The following BCAS3 variants were observed in gnomAD, a reference collection of about 807,000 sequenced individuals.
BCAS3 encodes the protein BCAS4/BCAS3 fusion.
Under a neutral mutation model 116.1 loss-of-function variants are expected in BCAS3, and 53 were observed. The observed-to-expected ratio is 0.46, with a 90% CI of 0.37 to 0.57. The LOEUF (loss-of-function observed/expected upper bound fraction) is 0.57, where lower values mean the gene tolerates loss of function less well. Ranked by LOEUF, BCAS3 falls within the 20% of genes least tolerant of loss-of-function variation. The pLI, the probability that BCAS3 is intolerant of heterozygous loss-of-function variation, is 0.00. For missense variants in BCAS3, 917 were observed against 1,165.4 expected, an observed-to-expected ratio of 0.79 and a Z score of 3.10; for synonymous variants, 391 against 408.2, an observed-to-expected ratio of 0.96 and a Z score of 0.51.
intron 22 of BCAS3, among the ~76,000 whole-genome samples, chr17:61,267,032 T>C (rs2049783063): frequency 6.6e-6 from 1 of 152,150 alleles, no homozygotes; most frequent in Admixed American, 6.5e-5. Context: ...TCTACCAGGA[T>C]AGGAAAGTTA....
intron 7 of BCAS3, among the ~76,000 whole-genome samples, chr17:60,822,541 AC>A (rs886791330): frequency 2.0e-5 from 3 of 152,258 alleles, no homozygotes; most frequent in Non-Finnish European, 4.4e-5. Flanking sequence ...CAGTTTTTGC[AC>A]AAAACACAGT....
In BCAS3 at chr17:61,323,484, CTG is replaced by C. The variant is rs2055482011; in HGVS notation, c.2426-44840_2426-44839del. Among the ~76,000 whole-genome samples the C allele has an allele frequency of 6.6e-6, 1 of 152,196 alleles. No individual in the cohort carries two copies. Among genetic ancestry groups the C allele is most frequent in the Non-Finnish European group, 1.5e-5 (1 of 68,038 alleles). ...CGGACTTAGGATTTGGTTTTCTACTCTGTGAACTGAAGCTAATTTCTCCTACC... is the reference window on the plus strand; with the variant it reads ...CGGACTTAGGATTTGGTTTTCTACTCTGAACTGAAGCTAATTTCTCCTACC... On this transcript the variant is annotated intron_variant, in intron 22 of 23. Transcript: ENST00000407086. The surrounding 1 kb of genome is among the most constrained non-coding windows in gnomAD (Gnocchi z 4.6).
chr17:61,234,273 C>T (rs1012124682), intron 22 of BCAS3, among the ~76,000 whole-genome samples: 3 of 152,130 alleles, frequency 2.0e-5, no homozygotes, highest in Non-Finnish European at 4.4e-5. Context: ...TTCTTCCTTC[C>T]TCTCCTTCCT....
chr17:60,905,117 A>T (rs1173081887), intron 11 of BCAS3, among the ~76,000 whole-genome samples: 3 of 152,218 alleles, frequency 2.0e-5, no homozygotes, highest in Non-Finnish European at 4.4e-5. Context: ...ATAGGATACC[A>T]TATATATTGT....
intron 14 of BCAS3, among the ~76,000 whole-genome samples, chr17:60,968,086 T>C (rs1345563925): frequency 6.6e-6 from 1 of 152,194 alleles, no homozygotes; most frequent in Non-Finnish European, 1.5e-5. Context: ...CTTTGTCCAT[T>C]GGAGAGGTCA....
At chr17:60,731,754 C>T (rs1203176058) in intron 5 of BCAS3, among the ~76,000 whole-genome samples, 1 of 150,508 alleles carries the variant, frequency 6.6e-6, no homozygotes, top group Non-Finnish European at 1.5e-5. Flanking sequence ...ACAGAGACCT[C>T]TCATGTATCC....
chr17:61,013,076 C>T lies in BCAS3; in HGVS notation c.1487-2675C>T, dbSNP rs2065218729. ...TGCCCAGAATATTCCTTCTCTCCTA[C>T]CCTTATCCATATTTTGTCCAATTTT... On this transcript the variant is annotated intron_variant, in intron 15 of 23. Transcript: ENST00000407086. This position sits in a 1 kb window ranked among gnomAD's most constrained non-coding sequence, Gnocchi z 4.4. 6.6e-6 allele frequency among the ~76,000 whole-genome samples: 1 copy of T among 152,054 alleles called. No homozygotes were observed. The highest frequency in any genetic ancestry group is 2.4e-5 in the African/African-American group (1 of 41,438).
At chr17:60,714,832 T>C (rs2038372192) in intron 5 of BCAS3, among the ~76,000 whole-genome samples, 2 of 152,198 alleles carry the variant, frequency 1.3e-5, no homozygotes, top group Non-Finnish European at 2.9e-5. Flanking sequence ...TACTGCCCAA[T>C]CTCTACTGCT....
At chr17:60,854,431 G>A (rs919221965) in intron 7 of BCAS3, among the ~76,000 whole-genome samples, 5 of 152,108 alleles carry the variant, frequency 3.3e-5, no homozygotes, top group Admixed American at 2.0e-4. Flanking sequence ...GGATGGCTGG[G>A]TCAAATGGTA....
chr17:60,747,251 G>A lies in BCAS3; in HGVS notation c.375G>A (p.Ala125=), dbSNP rs1320171506. 11 of 1,613,046 alleles carry A rather than the reference G, an allele frequency of 6.8e-6. No homozygotes were observed. The highest frequency in any genetic ancestry group is 6.6e-5 in the South Asian group (6 of 91,016). The part of the protein sequence containing the change: ...LFSVRHGPIR[A]ARILPAPQFG... ...CTGTTCGACATGGCCCAATTCGAGC[G>A]GCTAGAATCTTGCCTGCTCCACAGT... Residue 125 remains alanine, a synonymous_variant, in exon 6 of 24, where the codon GCG becomes GCA. Coordinates refer to ENST00000407086, the MANE Select transcript of BCAS3 (RefSeq NM_017679.5).
At chr17:60,824,605 G>GTCACC (rs1267626840) in intron 7 of BCAS3, among the ~76,000 whole-genome samples, 1 of 152,112 alleles carries the variant, frequency 6.6e-6, no homozygotes, top group Admixed American at 6.5e-5. Context: ...TCTGTGTTCT[G>GTCACC]TCACCAATAG....
At chr17:61,179,675 T>C (rs574537433) in intron 22 of BCAS3, among the ~76,000 whole-genome samples, 1 of 152,296 alleles carries the variant, frequency 6.6e-6, no homozygotes, top group African/African-American at 2.4e-5. Flanking sequence ...AGGGGCTTTA[T>C]GGTGGTATTA....
Position 61,327,454 on chromosome 17 carries a change from G to A in BCAS3, c.2426-40873G>A, listed in dbSNP as rs1485270976. On this transcript the variant is annotated intron_variant, in intron 22 of 23. Transcript: ENST00000407086. This position sits in a 1 kb window ranked among gnomAD's most constrained non-coding sequence, Gnocchi z 5.9. Reference sequence around the variant, plus strand: ...AGAATTGTAATGAGACTATATTGAGGGTTAGATAACAGGCAAGTATGTGGA... The same window carrying A: ...AGAATTGTAATGAGACTATATTGAGAGTTAGATAACAGGCAAGTATGTGGA... 6.6e-6 allele frequency among the ~76,000 whole-genome samples: 1 copy of A among 152,026 alleles called. No homozygotes were observed. Among genetic ancestry groups the A allele is most frequent in the Non-Finnish European group, 1.5e-5 (1 of 68,008 alleles).
chr17:61,239,668 G>A lies in BCAS3; in HGVS notation c.2426-128659G>A, dbSNP rs2083314410. On this transcript the variant is annotated intron_variant, in intron 22 of 23. Transcript: ENST00000407086. This position sits in a 1 kb window ranked among gnomAD's most constrained non-coding sequence, Gnocchi z 4.2. ...TGTTAAGATCTAGATCATGCTAAAA[G>A]TATTAAAGTTGGCTTTCAGAGATTA... Among the ~76,000 whole-genome samples, 1 of 152,174 alleles carries A rather than the reference G, an allele frequency of 6.6e-6. No homozygotes were observed. Among genetic ancestry groups the A allele is most frequent in the African/African-American group, 2.4e-5 (1 of 41,436 alleles).
intron 6 of BCAS3, among the ~76,000 whole-genome samples, chr17:60,792,229 T>C (rs1432357127): frequency 6.6e-6 from 1 of 152,224 alleles, no homozygotes; most frequent in Non-Finnish European, 1.5e-5. Flanking sequence ...CTGGGCTGCA[T>C]GCTCCACGGA....
At chr17:60,806,125 C>T (rs1412254783) in intron 6 of BCAS3, among the ~76,000 whole-genome samples, 1 of 152,058 alleles carries the variant, frequency 6.6e-6, no homozygotes, top group Non-Finnish European at 1.5e-5. Context: ...ATCCACCCGC[C>T]TCGGCCTCCC....
chr17:60,886,797 C>G (rs1222821813), intron 9 of BCAS3, among the ~76,000 whole-genome samples: 1 of 152,036 alleles, frequency 6.6e-6, no homozygotes, highest in African/African-American at 2.4e-5. Context: ...AGGCAGTCTG[C>G]CGGTTCTCAG....
At chr17:61,306,079 C>T (rs1048628211) in intron 22 of BCAS3, among the ~76,000 whole-genome samples, 1 of 152,184 alleles carries the variant, frequency 6.6e-6, no homozygotes, top group Non-Finnish European at 1.5e-5. Flanking sequence ...ACTTAGGAAG[C>T]CTCAAACACC....
At chr17:61,182,636 C>T (rs929959671) in intron 22 of BCAS3, among the ~76,000 whole-genome samples, 1 of 152,124 alleles carries the variant, frequency 6.6e-6, no homozygotes, top group Non-Finnish European at 1.5e-5. Flanking sequence ...TTCCTATTAC[C>T]CTGTGTTCCC....
Sources: gnomAD v4.1 joint callset for allele counts (sites outside exome capture counted in the v4.1 genomes callset) on GRCh38, gnomAD v4.1.1 for gene constraint, Gnocchi (gnomAD v3.1) non-coding constraint, MANE v1.5 for transcripts, NCBI Gene and HGNC (gene_info 2026-07-23, HGNC 2026-07-21) for gene names.